The following AFF4 variants were observed in gnomAD, a reference collection of about 807,000 sequenced individuals.
AFF4 encodes the protein ALF transcription elongation factor 4.
AFF4 carries 13 observed loss-of-function variants against 124.8 expected under a neutral mutation model. That is an observed-to-expected ratio of 0.10 (90% CI 0.07 to 0.17). The LOEUF is 0.17. Ranked by LOEUF, AFF4 falls within the 10% of genes least tolerant of loss-of-function variation. The pLI, the probability that AFF4 is intolerant of heterozygous loss-of-function variation, is 1.00. For missense variants in AFF4, 1,092 were observed against 1,403.8 expected, an observed-to-expected ratio of 0.78 and a Z score of 3.55; for synonymous variants, 477 against 496.1, an observed-to-expected ratio of 0.96 and a Z score of 0.51.
At chr5:132,904,218 C>T (rs1327382635) in intron 6 of AFF4, 150 bp downstream of exon 6, 4 of 541,996 alleles carry the variant, frequency 7.4e-6, no homozygotes, top group Non-Finnish European at 1.1e-5. Context: ...GACCACACCA[C>T]TACACTCCAG....
chr5:132,884,551 T>G (rs1760068157), intron 19 of AFF4, among the ~76,000 whole-genome samples: 1 of 152,198 alleles, frequency 6.6e-6, no homozygotes, highest in African/African-American at 2.4e-5. Flanking sequence ...GTTTGTATTT[T>G]TATCTGCACT....
At chr5:132,939,356 T>C (rs1761512825) in intron 1 of AFF4, among the ~76,000 whole-genome samples, 1 of 152,218 alleles carries the variant, frequency 6.6e-6, no homozygotes, top group Admixed American at 6.5e-5. Flanking sequence ...CGCTAATACT[T>C]AGCACTCTAT....
At chr5:132,928,795 G>T (rs1414558732) in intron 4 of AFF4, among the ~76,000 whole-genome samples, 2 of 152,186 alleles carry the variant, frequency 1.3e-5, no homozygotes, top group African/African-American at 4.8e-5. Context: ...GCAACAGAAT[G>T]ACAGAAGGAA....
At position 132,963,498 on chromosome 5, in the gene AFF4, T is replaced by G. The variant is rs1762129384; in HGVS notation, c.-244A>C. The G allele has an allele frequency of 5.0e-6, 2 of 397,574 alleles. No homozygotes were observed. The highest frequency in any genetic ancestry group is 1.3e-4 in the South Asian group (1 of 7,850). The allele number at this position is 397,574 out of a possible 1,614,324, so 24.6% of individuals were successfully genotyped here. On this transcript the variant is annotated 5_prime_UTR_variant, in exon 1 of 21. It removes an upstream start codon present in the reference 5' UTR. Coordinates refer to ENST00000265343, the MANE Select transcript of AFF4 (RefSeq NM_014423.4). ...CAGGCGTAGGCCCCGCACCGCTCCA[T>G]GACGGTCGGGCCCGGGCTGGGACAG...
At chr5:132,883,229 C>T (rs1414685683) in intron 20 of AFF4, 111 bp downstream of exon 20, 4 of 1,016,086 alleles carry the variant, frequency 3.9e-6, no homozygotes, top group Non-Finnish European at 4.3e-6. Flanking sequence ...AACAGATTAT[C>T]ATTAACTCTA....
chr5:132,888,128 G>C lies in AFF4; in HGVS notation c.2765C>G (p.Ala922Gly), dbSNP rs753594331. Residue 922 changes from alanine to glycine, a missense_variant, in exon 15 of 21, where the codon GCA (alanine) becomes GGA (glycine). Transcript: ENST00000265343. Reference sequence around the variant, plus strand: ...ATCTGCATTGTGCTTTAGCTTTTTTGCTTCTTGTAAATAATGGTCTGCTGA... The same window carrying C: ...ATCTGCATTGTGCTTTAGCTTTTTTCCTTCTTGTAAATAATGGTCTGCTGA... The part of the protein sequence containing the change: ...NYSADHYLQE[A>G]KKLKHNADAL... 6.2e-7 allele frequency: 1 copy of C among 1,610,328 alleles called. No individual in the cohort carries two copies.
chr5:132,930,801 G>A (rs748046111), intron 4 of AFF4, among the ~76,000 whole-genome samples: 2 of 151,886 alleles, frequency 1.3e-5, no homozygotes, highest in African/African-American at 2.4e-5. Context: ...TTTTAAACAT[G>A]TGTCATTAAA....
In AFF4 at chr5:132,904,416, G is replaced by A; in HGVS notation, c.1051-12C>T. The A allele has an allele frequency of 1.2e-6, 2 of 1,602,314 alleles. No individual in the cohort carries two copies. The highest frequency in any genetic ancestry group is 1.7e-6 in the Non-Finnish European group (2 of 1,174,646). On this transcript the variant is annotated splice_polypyrimidine_tract_variant and intron_variant, in intron 5 of 20. Transcript: ENST00000265343. ...GACTGCTGAGACTCCTAAGAAAAAG[G>A]AACATAAAATTATACAAAGTTACAC... is the stretch of plus-strand genomic sequence containing the variant.
chr5:132,939,865 T>C (rs528036994), intron 1 of AFF4, among the ~76,000 whole-genome samples: 102 of 152,052 alleles, frequency 6.7e-4, no homozygotes, highest in African/African-American at 2.4e-3. Context: ...CTGCCTGCCT[T>C]GGCCTCTCAA....
chr5:132,892,189 G>C lies in AFF4; in HGVS notation c.2612C>G (p.Thr871Ser). 6.2e-7 allele frequency: 1 copy of C among 1,614,146 alleles called. No individual in the cohort carries two copies. Among genetic ancestry groups the C allele is most frequent in the Non-Finnish European group, 8.5e-7 (1 of 1,180,034 alleles). ...TSKQKKTEGK[T>S]SSSSKEVKEK... Reference sequence around the variant, plus strand: ...CTTAACCTCCTTGGAGCTACTGGAAGTCTTCCCTTCGGTCTTCTTCTGCTT... The same window carrying C: ...CTTAACCTCCTTGGAGCTACTGGAACTCTTCCCTTCGGTCTTCTTCTGCTT... The change falls in exon 13 of 21, where the codon ACT (threonine) becomes AGT (serine). Residue 871 changes from threonine (T) to serine (S), a missense_variant. Physicochemically the swap from Thr to Ser is moderately conservative, Grantham distance 58. Around this residue, in one of 11 missense-constraint regions of AFF4, gnomAD observed 293 missense variants for 280.2 expected, o/e 1.05. Transcript: ENST00000265343.
Position 132,877,529 on chromosome 5 carries a change from CATATAT to C in AFF4, c.*3524_*3529del, listed in dbSNP as rs915780229. 1 of 208,160 alleles carries C rather than the reference CATATAT, an allele frequency of 4.8e-6. No individual in the cohort carries two copies. The highest frequency in any genetic ancestry group is 9.8e-6 in the Non-Finnish European group (1 of 102,084). 12.9% of individuals were successfully genotyped at this position (208,160 alleles called of 1,614,324 possible). A position where few individuals can be genotyped will look rare whatever the true frequency, so the allele number is the denominator to read the frequency against. On this transcript the variant is annotated 3_prime_UTR_variant, in exon 21 of 21. Coordinates refer to ENST00000265343, the MANE Select transcript of AFF4 (RefSeq NM_014423.4). ...AATTTCATGTTTTCATACATACATA[CATATAT>C]ATAAAGTGTGTATGTGTACAGAATT... is the stretch of plus-strand genomic sequence containing the variant.
intron 5 of AFF4, among the ~76,000 whole-genome samples, chr5:132,905,300 T>C (rs1227696034): frequency 6.6e-6 from 1 of 152,214 alleles, no homozygotes; most frequent in Non-Finnish European, 1.5e-5. Context: ...TCAATTTTCA[T>C]GACCAGAACA....
chr5:132,891,641 T>C (rs1760260102), intron 13 of AFF4, among the ~76,000 whole-genome samples: 1 of 152,214 alleles, frequency 6.6e-6, no homozygotes, highest in Admixed American at 6.5e-5. Flanking sequence ...AATGATTGCT[T>C]TGTCACTTTA....
rs1186748580 is a variant in AFF4, at chr5:132,893,051, T to C, written c.2375A>G (p.His792Arg). The C allele has an allele frequency of 7.4e-6, 12 of 1,614,146 alleles. No individual in the cohort carries two copies. The South Asian group carries it at 1.2e-4, about 16-fold the overall frequency. Reference sequence around the variant, plus strand: ...GTACTCTCTGTTGCTGGATGGCTTATGGCCTGCTGAATTCTTGTCCTCCGT... The same window carrying C: ...GTACTCTCTGTTGCTGGATGGCTTACGGCCTGCTGAATTCTTGTCCTCCGT... ...PKTEDKNSAG[H>R]KPSSNRESSK... The change falls in exon 12 of 21, where the codon CAT (histidine) becomes CGT (arginine). Residue 792 changes from histidine to arginine, a missense_variant. His to Arg is a conservative substitution (Grantham distance 29, BLOSUM62 0). Transcript: ENST00000265343.
At chr5:132,931,167 C>A (rs1374429832) in intron 4 of AFF4, among the ~76,000 whole-genome samples, 1 of 150,804 alleles carries the variant, frequency 6.6e-6, no homozygotes, top group Non-Finnish European at 1.5e-5. Context: ...ATAATCCCAG[C>A]ACTTTGGGAG....
chr5:132,906,797 T>C (rs1045623238), intron 5 of AFF4, among the ~76,000 whole-genome samples: 2 of 148,778 alleles, frequency 1.3e-5, no homozygotes, highest in East Asian at 2.0e-4. Flanking sequence ...TTTGTGACTT[T>C]TGTTTAAAAT....
At chr5:132,903,029 T>C (rs892988063) in intron 6 of AFF4, among the ~76,000 whole-genome samples, 2 of 151,868 alleles carry the variant, frequency 1.3e-5, no homozygotes, top group Admixed American at 1.3e-4. Flanking sequence ...AAATAATGAG[T>C]AGAGGCAGCT....
intron 20 of AFF4, 37 bp from the exon 21 acceptor site, chr5:132,881,223 T>G (rs761206409): frequency 6.2e-7 from 1 of 1,600,008 alleles, no homozygotes; most frequent in Admixed American, 1.7e-5. Context: ...TGATATATAC[T>G]CTTTTGAATC....
rs560641399 is a variant in AFF4, at chr5:132,880,018, T to C, written c.*1041A>G. The stretch of plus-strand genomic sequence containing the variant: ...CTCCAGCCTATTTCTGTATCAGTCA[T>C]TGCATGCTCATATCAGAGCATCACA... On this transcript the variant is annotated 3_prime_UTR_variant, in exon 21 of 21. Coordinates refer to ENST00000265343, the MANE Select transcript of AFF4 (RefSeq NM_014423.4). 22 of 390,804 alleles carry C rather than the reference T, an allele frequency of 5.6e-5. No homozygotes were observed. The highest frequency in any genetic ancestry group is 3.5e-4 in the African/African-American group (17 of 48,614). 24.2% of individuals were successfully genotyped at this position (390,804 alleles called of 1,614,324 possible). A position where few individuals can be genotyped will look rare whatever the true frequency, so the allele number is the denominator to read the frequency against.
Sources: allele counts gnomAD v4.1 joint callset (sites outside exome capture counted in the v4.1 genomes callset), GRCh38; gene constraint gnomAD v4.1.1; regional missense constraint gnomAD v4.1.1; transcripts MANE v1.5; gene names NCBI Gene and HGNC (gene_info 2026-07-23, HGNC 2026-07-21).